The following ZDHHC14 variants were observed in gnomAD, a reference collection of about 807,000 sequenced individuals.
The protein encoded by ZDHHC14 is zDHHC palmitoyltransferase 14, also known as palmitoyltransferase ZDHHC14.
Under a neutral mutation model 47.7 loss-of-function variants are expected in ZDHHC14, and 16 were observed. That is an observed-to-expected ratio of 0.34 (90% CI 0.23 to 0.51). The LOEUF (loss-of-function observed/expected upper bound fraction) is 0.51. Ranked by LOEUF, ZDHHC14 falls within the 20% of genes least tolerant of loss-of-function variation. The probability of loss-of-function intolerance (pLI) is 0.97; values close to 1 mark genes in which losing one functional copy is unlikely to be tolerated. For missense variants in ZDHHC14, 515 were observed against 662.5 expected, an observed-to-expected ratio of 0.78 and a Z score of 2.44; for synonymous variants, 293 against 278.9, an observed-to-expected ratio of 1.05 and a Z score of -0.50.
chr6:157,423,704 A>C (rs1386520877), intron 1 of ZDHHC14, among the ~76,000 whole-genome samples: 2 of 152,192 alleles, frequency 1.3e-5, no homozygotes, highest in Admixed American at 6.5e-5. Flanking sequence ...TTTTGTAAGC[A>C]AGGAGAATGC....
intron 2 of ZDHHC14, among the ~76,000 whole-genome samples, chr6:157,564,293 C>T (rs949305058): frequency 1.3e-5 from 2 of 152,128 alleles, no homozygotes; most frequent in African/African-American, 4.8e-5. Flanking sequence ...TTCCCTCTGC[C>T]GTCTTCATGT....
intron 1 of ZDHHC14, among the ~76,000 whole-genome samples, chr6:157,434,048 A>C (rs17165323): frequency 6.6e-6 from 1 of 151,970 alleles, no homozygotes; most frequent in African/African-American, 2.4e-5. Context: ...GGCTCAGTAC[A>C]TGGTTTTTGA....
chr6:157,492,206 G>GCCCCCCCCCCC (rs954347593), intron 1 of ZDHHC14, among the ~76,000 whole-genome samples: 1 of 82,480 alleles, frequency 1.2e-5, no homozygotes, highest in African/African-American at 4.0e-5. Flanking sequence ...CTCCGCCCCC[G>GCCCCCCCCCCC]CCCCCCAGCC....
intron 1 of ZDHHC14, among the ~76,000 whole-genome samples, chr6:157,391,230 G>A (rs182278714): frequency 6.6e-6 from 1 of 152,254 alleles, no homozygotes; most frequent in Admixed American, 6.5e-5. Context: ...CTGTTTTTCA[G>A]CCTGACTGCC....
intron 2 of ZDHHC14, among the ~76,000 whole-genome samples, chr6:157,570,487 T>C (rs1005692583): frequency 6.6e-6 from 1 of 152,238 alleles, no homozygotes; most frequent in Non-Finnish European, 1.5e-5. Context: ...ACAGCGGTTT[T>C]GTGTATATAC....
At chr6:157,398,919 G>A (rs552550941) in intron 1 of ZDHHC14, among the ~76,000 whole-genome samples, 16 of 152,270 alleles carry the variant, frequency 1.1e-4, no homozygotes, top group Non-Finnish European at 1.2e-4. Flanking sequence ...TCATTTCCAC[G>A]ACATCCACAG....
At chr6:157,558,870 G>A (rs766610620) in intron 2 of ZDHHC14, among the ~76,000 whole-genome samples, 7 of 152,096 alleles carry the variant, frequency 4.6e-5, no homozygotes, top group Non-Finnish European at 8.8e-5. Flanking sequence ...AACTTTCTAG[G>A]GGAGAAGCAT....
At chr6:157,458,849 A>AGTTTTTTTTTTTTT (rs1434832129) in intron 1 of ZDHHC14, among the ~76,000 whole-genome samples, 1 of 81,226 alleles carries the variant, frequency 1.2e-5, no homozygotes, top group African/African-American at 4.6e-5. Context: ...ATGTGGGTGG[A>AGTTTTTTTTTTTTT]TTTTTTTTTT....
intron 1 of ZDHHC14, among the ~76,000 whole-genome samples, chr6:157,484,321 A>G (rs1403131088): frequency 7.4e-6 from 1 of 135,848 alleles, no homozygotes; most frequent in African/African-American, 2.8e-5. Context: ...ATATACACAT[A>G]TATATACGTA....
At chr6:157,585,957 G>T (rs1582979937) in intron 2 of ZDHHC14, among the ~76,000 whole-genome samples, 2 of 152,262 alleles carry the variant, frequency 1.3e-5, no homozygotes, top group South Asian at 4.1e-4. Flanking sequence ...CCCAGGCAGG[G>T]TGGAGGTGCG....
chr6:157,572,490 T>C (rs1347558447), intron 2 of ZDHHC14, among the ~76,000 whole-genome samples: 1 of 152,198 alleles, frequency 6.6e-6, no homozygotes, highest in African/African-American at 2.4e-5. Context: ...ACTAACCTTT[T>C]TTTTTATTTT....
At chr6:157,485,860 A>G (rs920421795) in intron 1 of ZDHHC14, among the ~76,000 whole-genome samples, 2 of 152,050 alleles carry the variant, frequency 1.3e-5, no homozygotes, top group Admixed American at 6.5e-5. Flanking sequence ...AAAATACAAA[A>G]ATATTAGCTG....
intron 3 of ZDHHC14, among the ~76,000 whole-genome samples, chr6:157,615,832 T>C (rs1456254123): frequency 6.6e-6 from 1 of 150,662 alleles, no homozygotes; most frequent in East Asian, 1.9e-4. Flanking sequence ...TTATAAGCAG[T>C]GATCCATTTT....
rs530736301 is a variant in ZDHHC14 at position 157,673,711 on chromosome 6, T to C, written c.*589T>C. The C allele has an allele frequency of 6.5e-6, 1 of 152,936 alleles. No individual in the cohort carries two copies. The highest frequency in any genetic ancestry group is 1.9e-4 in the East Asian group (1 of 5,190). 9.5% of individuals were successfully genotyped at this position (152,936 alleles called of 1,614,324 possible). On this transcript the variant is annotated 3_prime_UTR_variant, in exon 9 of 9. Coordinates refer to ENST00000359775, the MANE Select transcript of ZDHHC14 (RefSeq NM_024630.3). The surrounding 1 kb of genome is among the most constrained non-coding windows in gnomAD (Gnocchi z 5.4). ...AGACAGTGCAACGAACTGAGACTAA[T>C]GGACAGTGTCATCACTCAGCTTACT...
At chr6:157,493,689 G>T (rs1247282845) in intron 1 of ZDHHC14, among the ~76,000 whole-genome samples, 9 of 152,266 alleles carry the variant, frequency 5.9e-5, no homozygotes, top group Non-Finnish European at 1.2e-4. Flanking sequence ...CAGCGATGCT[G>T]TCCTGAGGGT....
chr6:157,591,413 A>G (rs948483869), intron 2 of ZDHHC14, among the ~76,000 whole-genome samples: 1 of 151,954 alleles, frequency 6.6e-6, no homozygotes, highest in African/African-American at 2.4e-5. Context: ...TGTGATAGTG[A>G]TCTCCCGAGA....
chr6:157,577,980 C>T (rs1562489652), intron 2 of ZDHHC14, among the ~76,000 whole-genome samples: 1 of 152,114 alleles, frequency 6.6e-6, no homozygotes, highest in East Asian at 1.9e-4. Flanking sequence ...GCTTGTTAAC[C>T]ACATGTATAT....
rs189695174 is a variant in ZDHHC14, at chr6:157,438,696, A to G, written c.245+56430A>G. 5.3e-5 allele frequency among the ~76,000 whole-genome samples: 8 copies of G among 152,318 alleles called. No individual in the cohort carries two copies. In the East Asian group the frequency reaches 1.2e-3, roughly 22 times the overall value. ...GTTTTTCCTTCCACTGTACCACAAG[A>G]TATTTCCTGCTTATCTCAGGCATTG... is the stretch of plus-strand genomic sequence containing the variant. On this transcript the variant is annotated intron_variant, in intron 1 of 8. Coordinates refer to ENST00000359775, the MANE Select transcript of ZDHHC14 (RefSeq NM_024630.3).
intron 3 of ZDHHC14, among the ~76,000 whole-genome samples, chr6:157,625,356 A>T (rs1197971270): frequency 6.6e-6 from 1 of 152,094 alleles, no homozygotes; most frequent in Non-Finnish European, 1.5e-5. Flanking sequence ...GGAGGACAGG[A>T]TGTCCTCTCC....
Sources: allele counts gnomAD v4.1 joint callset (sites outside exome capture counted in the v4.1 genomes callset), GRCh38; gene constraint gnomAD v4.1.1; non-coding constraint Gnocchi (gnomAD v3.1); transcripts MANE v1.5; gene names NCBI Gene and HGNC (gene_info 2026-07-23, HGNC 2026-07-21).